The following PCCA variants were observed in gnomAD, a reference collection of about 807,000 sequenced individuals.
The protein encoded by PCCA is propionyl-CoA carboxylase subunit alpha, also known as propionyl-CoA carboxylase alpha chain, mitochondrial.
A neutral mutation model predicts 101.3 loss-of-function variants in PCCA; 74 were observed. The observed-to-expected ratio is 0.73, with a 90% CI of 0.61 to 0.89. The LOEUF is 0.89. Among genes scored for constraint, PCCA ranks in the 40% least tolerant of loss-of-function variants. PCCA has a pLI of 0.00. For missense variants in PCCA, 891 were observed against 907.0 expected (o/e 0.98, Z 0.23); for synonymous variants, 294 against 313.6 (o/e 0.94, Z 0.66).
chr13:100,513,160 T>C (rs1255686370), intron 21 of PCCA, among the ~76,000 whole-genome samples: 2 of 152,256 alleles, frequency 1.3e-5, no homozygotes, highest in African/African-American at 4.8e-5. Flanking sequence ...TAAGAAGGCG[T>C]GTTTGTGTGG....
chr13:100,304,261 A>G lies in PCCA; in HGVS notation c.1284+1263A>G, dbSNP rs934627875. Reference sequence around the variant, plus strand: ...AAAGAAAAAACAATTAAAATGCCTTAAATGTTCTGCTTACTGCTGTTATTT... The same window carrying G: ...AAAGAAAAAACAATTAAAATGCCTTGAATGTTCTGCTTACTGCTGTTATTT... On this transcript the variant is annotated intron_variant, in intron 14 of 23. Transcript: ENST00000376285. Among the ~76,000 whole-genome samples the G allele has an allele frequency of 2.0e-5, 3 of 152,326 alleles. No individual in the cohort carries two copies. In the South Asian group the frequency reaches 6.2e-4, roughly 32 times the overall value.
chr13:100,323,450 T>C (rs2068293701), intron 16 of PCCA, among the ~76,000 whole-genome samples: 1 of 152,132 alleles, frequency 6.6e-6, no homozygotes, highest in Non-Finnish European at 1.5e-5. Flanking sequence ...CAAGAGTAGC[T>C]GGGATTACAG....
At chr13:100,141,601 C>G (rs1316835834) in intron 4 of PCCA, among the ~76,000 whole-genome samples, 1 of 152,026 alleles carries the variant, frequency 6.6e-6, no homozygotes, top group Non-Finnish European at 1.5e-5. Flanking sequence ...TTAATAGAGA[C>G]AGTGTTTCAC....
chr13:100,186,738 CA>C lies in PCCA; in HGVS notation c.469-22584del, dbSNP rs376028376. On this transcript the variant is annotated intron_variant, in intron 6 of 23. Transcript: ENST00000376285. ...CCTGGGTGAGAGTGAGATTCCATCT[CA>C]AAAAAAAAACAAAAAAAAAAAGAAA... is the stretch of plus-strand genomic sequence containing the variant. Among the ~76,000 whole-genome samples the C allele has an allele frequency of 3.7e-4, 31 of 84,092 alleles. 1 individual carries two copies. The highest frequency in any genetic ancestry group is 7.5e-3 in the Middle Eastern group (1 of 134). 55.2% of individuals were successfully genotyped at this position (84,092 alleles called of 152,430 possible).
intron 20 of PCCA, among the ~76,000 whole-genome samples, chr13:100,439,652 G>A (rs555106343): frequency 1.2e-4 from 18 of 151,198 alleles, no homozygotes; most frequent in Non-Finnish European, 2.6e-4. Context: ...ATTGTTTGTC[G>A]TTAGCGTTTT....
At chr13:100,253,000 G>A (rs2061853391) in intron 8 of PCCA, among the ~76,000 whole-genome samples, 1 of 152,068 alleles carries the variant, frequency 6.6e-6, no homozygotes, top group South Asian at 2.1e-4. Flanking sequence ...TTTTCAGAGT[G>A]CTCGCTCTAT....
chr13:100,261,433 T>G (rs2062503940), intron 9 of PCCA, among the ~76,000 whole-genome samples: 1 of 152,066 alleles, frequency 6.6e-6, no homozygotes, highest in Non-Finnish European at 1.5e-5. Context: ...TGACATAATT[T>G]CTGCCCACCG....
intron 16 of PCCA, among the ~76,000 whole-genome samples, chr13:100,322,475 T>C (rs1015761969): frequency 6.6e-6 from 1 of 152,148 alleles, no homozygotes; most frequent in Non-Finnish European, 1.5e-5. Flanking sequence ...AAATTGTTTA[T>C]ATATAATTAT....
At chr13:100,432,487 G>A (rs1391266655) in intron 20 of PCCA, among the ~76,000 whole-genome samples, 1 of 152,114 alleles carries the variant, frequency 6.6e-6, no homozygotes, top group African/African-American at 2.4e-5. Context: ...CAGGCAAATT[G>A]GGAAGTATTC....
At chr13:100,271,452 G>T (rs1439972851) in intron 11 of PCCA, among the ~76,000 whole-genome samples, 1 of 151,274 alleles carries the variant, frequency 6.6e-6, no homozygotes, top group Non-Finnish European at 1.5e-5. Flanking sequence ...CAATCTATAT[G>T]AAATAGAAAT....
Position 100,117,662 on chromosome 13 carries a change from T to C in PCCA, c.300+5601T>C, listed in dbSNP as rs1404249476. On this transcript the variant is annotated intron_variant, in intron 4 of 23. Coordinates refer to ENST00000376285, the MANE Select transcript of PCCA (RefSeq NM_000282.4). The stretch of plus-strand genomic sequence containing the variant: ...GGGGGAGGGATAGCATTAGGGGAAA[T>C]ACCTAATGTAAATGACGAGTTGATG... 2.6e-5 allele frequency among the ~76,000 whole-genome samples: 4 copies of C among 151,938 alleles called. No individual in the cohort carries two copies. In the South Asian group the frequency reaches 8.3e-4, roughly 31 times the overall value.
intron 1 of PCCA, among the ~76,000 whole-genome samples, chr13:100,090,123 A>C (rs928272926): frequency 6.6e-6 from 1 of 152,216 alleles, no homozygotes; most frequent in Non-Finnish European, 1.5e-5. Context: ...TTATTAAAAC[A>C]TTGCCACATA....
In PCCA at chr13:100,223,376, G is replaced by A. The variant is rs188330524; in HGVS notation, c.601-12466G>A. Among the ~76,000 whole-genome samples the A allele has an allele frequency of 3.1e-3, 475 of 152,140 alleles. 8 individuals are homozygous for A. The highest frequency in any genetic ancestry group is 0.011 in the African/African-American group (459 of 41,476). On this transcript the variant is annotated intron_variant, in intron 7 of 23. Coordinates refer to ENST00000376285, the MANE Select transcript of PCCA (RefSeq NM_000282.4). ...GTTCGGAGTTTCTTCCTTCTGGTGG[G>A]TTCGTGGTCTTGCTGGCTCAGGAGT...
At chr13:100,342,356 C>T (rs1050001651) in intron 18 of PCCA, among the ~76,000 whole-genome samples, 5 of 151,552 alleles carry the variant, frequency 3.3e-5, no homozygotes, top group Admixed American at 6.6e-5. Context: ...CTTCATCTCC[C>T]GGGTTCAAGC....
chr13:100,509,170 T>C (rs1415765396), intron 21 of PCCA, among the ~76,000 whole-genome samples: 3 of 152,188 alleles, frequency 2.0e-5, no homozygotes, highest in Admixed American at 2.0e-4. Context: ...ACAGTGTTTC[T>C]CAAATGTGCA....
intron 20 of PCCA, 84 bp from the exon 21 acceptor site, chr13:100,449,168 C>T: frequency 1.3e-6 from 1 of 747,348 alleles, no homozygotes; most frequent in East Asian, 2.7e-5. Context: ...AGTTGATGGA[C>T]ATTTGGGTTT....
intron 8 of PCCA, among the ~76,000 whole-genome samples, chr13:100,252,380 T>C (rs985747791): frequency 6.6e-6 from 1 of 152,228 alleles, no homozygotes. Context: ...TTAGTACCGC[T>C]GGATTAGGAA....
At chr13:100,329,109 C>G (rs1372149869) in intron 16 of PCCA, among the ~76,000 whole-genome samples, 1 of 149,860 alleles carries the variant, frequency 6.7e-6, no homozygotes, top group Non-Finnish European at 1.5e-5. Flanking sequence ...CTGAAATTTG[C>G]TGTTTGATAT....
chr13:100,149,940 A>G (rs1055574594), intron 4 of PCCA, among the ~76,000 whole-genome samples: 1 of 152,196 alleles, frequency 6.6e-6, no homozygotes, highest in Non-Finnish European at 1.5e-5. Context: ...CAGGGACCAA[A>G]TAGAATGTCT....
Sources: gnomAD v4.1 joint callset for allele counts (sites outside exome capture counted in the v4.1 genomes callset) on GRCh38, gnomAD v4.1.1 for gene constraint, MANE v1.5 for transcripts, NCBI Gene and HGNC (gene_info 2026-07-23, HGNC 2026-07-21) for gene names.